TBCK: variants seen among roughly 807,000 people sequenced by gnomAD.
TBCK encodes the protein TBC1 domain containing kinase, also known as TBC domain-containing protein kinase-like protein.
Under a neutral mutation model 113.4 loss-of-function variants are expected in TBCK, and 99 were observed. That is an observed-to-expected ratio of 0.87 (90% CI 0.74 to 1.03). The LOEUF (loss-of-function observed/expected upper bound fraction) is 1.03. TBCK is among the 50% of genes least tolerant of loss of function. The pLI is 0.00. For missense variants in TBCK, 1,045 were observed against 1,061.3 expected, an observed-to-expected ratio of 0.98 and a Z score of 0.21; for synonymous variants, 369 against 370.8, an observed-to-expected ratio of 1.00 and a Z score of 0.05.
chr4:106,114,643 C>T (rs1267622290), intron 24 of TBCK, among the ~76,000 whole-genome samples: 3 of 152,242 alleles, frequency 2.0e-5, no homozygotes, highest in South Asian at 2.1e-4. Context: ...CGTTGTTCGG[C>T]CAGGGTCTGC....
Position 106,236,398 on chromosome 4 carries a change from G to A in TBCK, c.1342C>T (p.Leu448=). 6.6e-7 allele frequency: 1 copy of A among 1,505,284 alleles called. No homozygotes were observed. The highest frequency in any genetic ancestry group is 8.9e-7 in the Non-Finnish European group (1 of 1,126,800). 93.2% of individuals were successfully genotyped at this position (1,505,284 alleles called of 1,614,324 possible). Reference sequence around the variant, plus strand: ...TACTTTAGAATCCATACCTTTAGCAGCCTGTCGAAGAGAATAATTCTATTT... The same window carrying A: ...TACTTTAGAATCCATACCTTTAGCAACCTGTCGAAGAGAATAATTCTATTT... ...QLNRIILFDR[L]LKAYPYKKNQ... Residue 448 remains leucine (L), a synonymous_variant, in exon 14 of 26, where the codon CTG becomes TTG. Transcript: ENST00000394708.
chr4:106,235,301 C>T lies in TBCK; in HGVS notation c.1417G>A (p.Gly473Ser). ...ARVDIPPLMR[G>S]LTWAALLGVE... is the part of the protein sequence containing the mutation. ...CCCAGAAGAGCAGCCCAGGTTAAAC[C>T]TCTCATAAGAGGAGGAATGTCAACT... Residue 473 changes from glycine (G) to serine (S), a missense_variant, in exon 15 of 26, where the codon GGT becomes AGT. Transcript: ENST00000394708. 2 of 1,610,564 alleles carry T rather than the reference C, an allele frequency of 1.2e-6. No homozygotes were observed. Among genetic ancestry groups the T allele is most frequent in the South Asian group, 2.2e-5 (2 of 90,734 alleles).
intron 25 of TBCK, among the ~76,000 whole-genome samples, chr4:106,049,209 G>A (rs1276446317): frequency 1.3e-5 from 2 of 152,046 alleles, no homozygotes; most frequent in Admixed American, 1.3e-4. Flanking sequence ...TACTAAGTAG[G>A]TACCAGGCAC....
chr4:106,123,731 A>G (rs1278039341), intron 23 of TBCK, among the ~76,000 whole-genome samples: 1 of 151,986 alleles, frequency 6.6e-6, no homozygotes, highest in African/African-American at 2.4e-5. Context: ...GACAAACCTG[A>G]GAAAAACAAG....
chr4:106,210,591 A>T (rs996130651), intron 20 of TBCK, among the ~76,000 whole-genome samples: 1 of 152,156 alleles, frequency 6.6e-6, no homozygotes, highest in Non-Finnish European at 1.5e-5. Context: ...ATTTTAACTG[A>T]TTCCCACCTA....
At chr4:106,308,743 T>C (rs1290353630) in intron 2 of TBCK, 25 bp downstream of exon 2, 1 of 1,590,662 alleles carries the variant, frequency 6.3e-7, no homozygotes, top group South Asian at 1.1e-5. Context: ...AGAACATAAA[T>C]AGGAAAAAAA....
intron 3 of TBCK, among the ~76,000 whole-genome samples, chr4:106,290,279 G>C (rs553849228): frequency 5.9e-5 from 9 of 152,208 alleles, no homozygotes; most frequent in Non-Finnish European, 1.2e-4. Context: ...CCGGGTTCAC[G>C]CCATTCTCCT....
chr4:106,134,952 A>G (rs566035494), intron 23 of TBCK, among the ~76,000 whole-genome samples: 1 of 152,284 alleles, frequency 6.6e-6, no homozygotes, highest in South Asian at 2.1e-4. Flanking sequence ...AGTACAGTCA[A>G]TCTAAAGTGC....
intron 10 of TBCK, among the ~76,000 whole-genome samples, chr4:106,245,850 C>T (rs914540696): frequency 3.9e-5 from 6 of 152,074 alleles, no homozygotes; most frequent in Admixed American, 2.0e-4. Flanking sequence ...TTTGTTTTTT[C>T]CCTATAAGTA....
chr4:106,200,580 C>G (rs1001747275), intron 20 of TBCK, among the ~76,000 whole-genome samples: 2 of 151,996 alleles, frequency 1.3e-5, no homozygotes, highest in Non-Finnish European at 2.9e-5. Flanking sequence ...TTTACCTGAG[C>G]ACATAACATC....
Position 106,236,408 on chromosome 4 carries a change from G to T in TBCK, c.1332C>A (p.Leu444=). The part of the protein sequence containing the change: ...DTEYQLNRII[L]FDRLLKAYPY... ...TCCATACCTTTAGCAGCCTGTCGAA[G>T]AGAATAATTCTATTTAGTTGGTACT... The change falls in exon 14 of 26, where the codon CTC becomes CTA. Residue 444 remains leucine, a synonymous_variant. Coordinates refer to ENST00000394708, the MANE Select transcript of TBCK (RefSeq NM_001163435.3). 1 of 1,518,878 alleles carries T rather than the reference G, an allele frequency of 6.6e-7. No individual in the cohort carries two copies. Among genetic ancestry groups the T allele is most frequent in the South Asian group, 1.4e-5 (1 of 70,182 alleles). 94.1% of individuals were successfully genotyped at this position (1,518,878 alleles called of 1,614,324 possible). A position where few individuals can be genotyped will look rare whatever the true frequency, so the allele number is the denominator to read the frequency against.
At chr4:106,250,395 A>G (rs752176731) in intron 7 of TBCK, 23 bp downstream of exon 7, 2 of 1,455,806 alleles carry the variant, frequency 1.4e-6, no homozygotes, top group Admixed American at 1.9e-5. Context: ...TATTTGAAAG[A>G]TAAGCAATTG....
At chr4:106,298,020 T>C (rs562098532) in intron 2 of TBCK, among the ~76,000 whole-genome samples, 2 of 152,352 alleles carry the variant, frequency 1.3e-5, no homozygotes, top group South Asian at 2.1e-4. Context: ...CAGTTAAATG[T>C]GACTTCCTCA....
rs991198065 is a variant in TBCK at position 106,042,723 on chromosome 4, A to G, written c.*3847T>C. On this transcript the variant is annotated 3_prime_UTR_variant, in exon 26 of 26. Transcript: ENST00000394708. ...TGGAGGAGGAAAGCACAGGAATCCAACAAAAATCTGGCACCACTGTGTCCT... is the reference window on the plus strand; with the variant it reads ...TGGAGGAGGAAAGCACAGGAATCCAGCAAAAATCTGGCACCACTGTGTCCT... The G allele has an allele frequency of 3.9e-5, 6 of 152,210 alleles. No individual in the cohort carries two copies. Among genetic ancestry groups the G allele is most frequent in the Non-Finnish European group, 5.9e-5 (4 of 68,032 alleles). The allele number at this position is 152,210 out of a possible 1,614,324, so 9.4% of individuals were successfully genotyped here.
At chr4:106,117,991 AGAGT>A (rs1314278504) in intron 23 of TBCK, among the ~76,000 whole-genome samples, 1 of 151,318 alleles carries the variant, frequency 6.6e-6, no homozygotes, top group Non-Finnish European at 1.5e-5. Context: ...CCTGGGTGAT[AGAGT>A]GAGACTCCGT....
At chr4:106,293,592 T>C (rs765191943) in intron 3 of TBCK, among the ~76,000 whole-genome samples, 5 of 152,128 alleles carry the variant, frequency 3.3e-5, no homozygotes, top group Admixed American at 6.5e-5. Context: ...GCCAAAAAGT[T>C]TGGGGACTGC....
chr4:106,251,918 C>T lies in TBCK; in HGVS notation c.545G>A (p.Gly182Asp), dbSNP rs1185329264. 1.9e-6 allele frequency: 3 copies of T among 1,611,124 alleles called. No homozygotes were observed. Among genetic ancestry groups the T allele is most frequent in the South Asian group, 2.2e-5 (2 of 90,622 alleles). Reference protein sequence around the residue: ...HMPSKKPLPSGPKSDVWSLGI... With the variant: ...HMPSKKPLPSDPKSDVWSLGI... ...AAGAGACCATACATCTGATTTGGGG[C>T]CAGAAGGCAATGGTTTTTTACTTGG... Residue 182 changes from glycine to aspartate, a missense_variant, in exon 6 of 26, where the codon GGC (glycine) becomes GAC (aspartate). Coordinates refer to ENST00000394708, the MANE Select transcript of TBCK (RefSeq NM_001163435.3).
intron 23 of TBCK, among the ~76,000 whole-genome samples, chr4:106,119,337 G>A (rs1743961575): frequency 6.6e-6 from 1 of 151,978 alleles, no homozygotes; most frequent in Non-Finnish European, 1.5e-5. Flanking sequence ...AAACTTAGAT[G>A]TCCACCCAGA....
chr4:106,189,643 G>T (rs1289916826), intron 22 of TBCK, among the ~76,000 whole-genome samples: 3 of 152,102 alleles, frequency 2.0e-5, no homozygotes, highest in African/African-American at 7.2e-5. Flanking sequence ...TGAAAAAAAT[G>T]TAGAGAGATC....
Sources: gnomAD v4.1 joint callset for allele counts (sites outside exome capture counted in the v4.1 genomes callset) on GRCh38, gnomAD v4.1.1 for gene constraint, MANE v1.5 for transcripts, NCBI Gene and HGNC (gene_info 2026-07-23, HGNC 2026-07-21) for gene names.